The following ENTHD1 variants were observed in gnomAD, a reference collection of about 807,000 sequenced individuals.
ENTHD1 encodes ENTH domain containing 1, also known as ENTH domain-containing protein 1.
Under a neutral mutation model 39.1 loss-of-function variants are expected in ENTHD1, and 23 were observed. The observed-to-expected ratio is 0.59, with a 90% confidence interval of 0.42 to 0.83. The LOEUF is 0.83. Among genes scored for constraint, ENTHD1 ranks in the 40% least tolerant of loss-of-function variants. ENTHD1 has a pLI of 0.00. For synonymous variants in ENTHD1, 230 were observed against 258.2 expected, an observed-to-expected ratio of 0.89 and a Z score of 1.05; for missense variants, 624 against 705.4, an observed-to-expected ratio of 0.88 and a Z score of 1.31.
At chr22:39,776,023 G>A (rs2065362947) in intron 5 of ENTHD1, among the ~76,000 whole-genome samples, 1 of 151,950 alleles carries the variant, frequency 6.6e-6, no homozygotes, top group Admixed American at 6.6e-5. Flanking sequence ...AGTAGCTGAG[G>A]ACCATAGGCA....
chr22:39,749,635 A>C (rs2065133348), intron 6 of ENTHD1, among the ~76,000 whole-genome samples: 1 of 152,222 alleles, frequency 6.6e-6, no homozygotes, highest in Non-Finnish European at 1.5e-5. Context: ...AGTTTTTGTC[A>C]TTCTCCAATT....
intron 5 of ENTHD1, among the ~76,000 whole-genome samples, chr22:39,801,880 G>A (rs539130124): frequency 6.6e-6 from 1 of 152,036 alleles, no homozygotes; most frequent in East Asian, 1.9e-4. Flanking sequence ...CATCCAGAAA[G>A]CACAGTTAAC....
chr22:39,883,322 A>C (rs1459858040), intron 2 of ENTHD1, among the ~76,000 whole-genome samples: 1 of 152,128 alleles, frequency 6.6e-6, no homozygotes, highest in Admixed American at 6.5e-5. Context: ...AGGGAATCTG[A>C]AAGATCTTTA....
rs564153483 is a variant in ENTHD1 at position 39,743,773 on chromosome 22, T to C, written c.1730A>G (p.Asn577Ser). Residue 577 changes from asparagine to serine, a missense_variant, in exon 7 of 7, where the codon AAT becomes AGT. Physicochemically the swap from Asn to Ser is conservative, Grantham distance 46 (BLOSUM62 1). Coordinates refer to ENST00000325157, the MANE Select transcript of ENTHD1 (RefSeq NM_152512.4). Reference protein sequence around the residue: ...STVIQELNVINNILMSMSLNS... With the variant: ...STVIQELNVISNILMSMSLNS... ...CAGACTCATGCTCATCAAGATGTTA[T>C]TGATGACATTAAGTTCTTGGATCAC... 3 of 1,614,056 alleles carry C rather than the reference T, an allele frequency of 1.9e-6. No homozygotes were observed. Among genetic ancestry groups the C allele is most frequent in the African/African-American group, 1.3e-5 (1 of 74,926 alleles).
intron 5 of ENTHD1, among the ~76,000 whole-genome samples, chr22:39,803,842 T>C (rs976937590): frequency 1.3e-5 from 2 of 152,216 alleles, no homozygotes; most frequent in African/African-American, 4.8e-5. Flanking sequence ...TATATGGCTT[T>C]ATTGAATGGA....
At chr22:39,828,975 G>A (rs2065846204) in intron 4 of ENTHD1, among the ~76,000 whole-genome samples, 1 of 152,078 alleles carries the variant, frequency 6.6e-6, no homozygotes, top group South Asian at 2.1e-4. Flanking sequence ...TAGTTAAAGA[G>A]GTTTCTACTT....
intron 3 of ENTHD1, among the ~76,000 whole-genome samples, chr22:39,859,364 T>G (rs765577530): frequency 7.9e-5 from 12 of 152,228 alleles, no homozygotes; most frequent in Non-Finnish European, 1.2e-4. Context: ...TTTACATTCA[T>G]AACTTAGCTA....
intron 5 of ENTHD1, among the ~76,000 whole-genome samples, chr22:39,816,942 CTATA>C (rs934304279): frequency 1.3e-5 from 2 of 150,162 alleles, no homozygotes; most frequent in Admixed American, 6.6e-5. Flanking sequence ...ATATATATCT[CTATA>C]TATATAGCTA....
chr22:39,824,517 A>G (rs1004938214), intron 4 of ENTHD1, among the ~76,000 whole-genome samples: 1 of 151,896 alleles, frequency 6.6e-6, no homozygotes, highest in African/African-American at 2.4e-5. Context: ...CCCCAGTTCT[A>G]AATCTCAAAG....
intron 4 of ENTHD1, among the ~76,000 whole-genome samples, chr22:39,827,944 G>A (rs925200144): frequency 2.0e-5 from 3 of 152,062 alleles, no homozygotes; most frequent in Non-Finnish European, 4.4e-5. Context: ...ATGTGTATAC[G>A]TATATAGATA....
intron 6 of ENTHD1, among the ~76,000 whole-genome samples, chr22:39,753,198 T>C (rs1218163178): frequency 2.0e-5 from 3 of 152,316 alleles, no homozygotes; most frequent in East Asian, 1.9e-4. Flanking sequence ...CCAAGAACAG[T>C]GTAGCTGAAC....
chr22:39,791,419 C>G (rs2065503292), intron 5 of ENTHD1, among the ~76,000 whole-genome samples: 1 of 151,322 alleles, frequency 6.6e-6, no homozygotes, highest in African/African-American at 2.4e-5. Context: ...GTGGGGGGAA[C>G]AGTCTCGCTC....
chr22:39,884,139 T>C (rs1427192603), intron 2 of ENTHD1, among the ~76,000 whole-genome samples: 2 of 151,998 alleles, frequency 1.3e-5, no homozygotes, highest in Non-Finnish European at 2.9e-5. Flanking sequence ...GATCTACAGA[T>C]TCAATGTAAG....
intron 4 of ENTHD1, among the ~76,000 whole-genome samples, chr22:39,834,365 C>A (rs970205851): frequency 1.3e-5 from 2 of 152,090 alleles, no homozygotes; most frequent in African/African-American, 4.8e-5. Flanking sequence ...TATAATGCCA[C>A]AAATAAGCAC....
intron 4 of ENTHD1, 65 bp from the exon 5 acceptor site, chr22:39,821,178 A>G: frequency 1.3e-6 from 2 of 1,568,844 alleles, no homozygotes; most frequent in Non-Finnish European, 1.7e-6. Context: ...TGGACAATTT[A>G]TTGAGCTACA....
intron 3 of ENTHD1, among the ~76,000 whole-genome samples, chr22:39,854,300 G>GTTCAACAGCAATGA (rs2066067468): frequency 1.3e-5 from 2 of 152,082 alleles, no homozygotes; most frequent in African/African-American, 4.8e-5. Flanking sequence ...TATAATTTTG[G>GTTCAACAGCAATGA]TTCAACAGCA....
At chr22:39,854,624 C>T (rs1411897424) in intron 3 of ENTHD1, among the ~76,000 whole-genome samples, 1 of 152,026 alleles carries the variant, frequency 6.6e-6, no homozygotes, top group Non-Finnish European at 1.5e-5. Context: ...CCATCTCTTC[C>T]TTCAAACTTC....
At chr22:39,804,519 C>G (rs2065625696) in intron 5 of ENTHD1, among the ~76,000 whole-genome samples, 1 of 151,760 alleles carries the variant, frequency 6.6e-6, no homozygotes, top group Admixed American at 6.6e-5. Context: ...CCCTCTTTAA[C>G]CTCAGGACAT....
chr22:39,866,214 CAAAA>C (rs2066180686), intron 2 of ENTHD1, among the ~76,000 whole-genome samples: 1 of 151,780 alleles, frequency 6.6e-6, no homozygotes. Flanking sequence ...CCCAAACAAA[CAAAA>C]AAAGGACAAG....
Sources: gnomAD v4.1 joint callset for allele counts (sites outside exome capture counted in the v4.1 genomes callset) on GRCh38, gnomAD v4.1.1 for gene constraint, MANE v1.5 for transcripts, NCBI Gene and HGNC (gene_info 2026-07-23, HGNC 2026-07-21) for gene names.